Variants in CACNA2D4 observed in about 807,000 individuals in gnomAD.
CACNA2D4 encodes voltage-dependent calcium channel subunit alpha-2/delta-4.
In CACNA2D4, 157 loss-of-function variants were observed where a neutral mutation model predicts 163.8. That is an observed-to-expected ratio of 0.96 (90% confidence interval 0.84 to 1.09). The LOEUF (loss-of-function observed/expected upper bound fraction) is 1.09, where lower values mean the gene tolerates loss of function less well. Ranked by LOEUF, CACNA2D4 falls within the 50% of genes least tolerant of loss-of-function variation. The probability of loss-of-function intolerance (pLI) is 0.00; values close to 1 mark genes in which losing one functional copy is unlikely to be tolerated. For synonymous variants in CACNA2D4, 598 were observed against 586.9 expected (o/e 1.02, Z -0.27); for missense variants, 1,410 against 1,479.9 (o/e 0.95, Z 0.78).
At chr12:1,847,041 A>G (rs1865161076) in intron 23 of CACNA2D4, among the ~76,000 whole-genome samples, 1 of 152,242 alleles carries the variant, frequency 6.6e-6, no homozygotes, top group Non-Finnish European at 1.5e-5. Context: ...CCTAAGGAAC[A>G]GGAACTTCTC....
intron 9 of CACNA2D4, 136 bp from the exon 10 acceptor site, chr12:1,885,212 A>C (rs1200749332): frequency 8.0e-6 from 6 of 750,668 alleles, no homozygotes; most frequent in Non-Finnish European, 1.4e-5. Flanking sequence ...TCCATGATGC[A>C]GTTCATGGAC....
Position 1,853,958 on chromosome 12 carries a change from T to C in CACNA2D4, c.2239A>G (p.Met747Val), listed in dbSNP as rs34007338. The change falls in exon 23 of 38, where the codon ATG becomes GTG. Residue 747 changes from methionine (M) to valine (V), a missense_variant. Physicochemically the swap from Met to Val is conservative, Grantham distance 21 (BLOSUM62 1). Transcript: ENST00000382722. ...CTGGGAACCTGGACCTACTCGGACA[T>C]GTTGAGGGCCAGCGCTGTCCAGTAG... Reference protein sequence around the residue: ...EAYWTALALNMSEESEHVVDM... With the variant: ...EAYWTALALNVSEESEHVVDM... 706 of 1,612,680 alleles carry C rather than the reference T, an allele frequency of 4.4e-4. 4 individuals carry two copies. The African/African-American group carries it at 8.1e-3, about 19-fold the overall frequency.
chr12:1,903,550 A>G (rs561029700), intron 6 of CACNA2D4, among the ~76,000 whole-genome samples: 1 of 152,168 alleles, frequency 6.6e-6, no homozygotes, highest in South Asian at 2.1e-4. Context: ...CGATTTTTAA[A>G]TGGGAAAAAA....
intron 26 of CACNA2D4, among the ~76,000 whole-genome samples, chr12:1,819,132 G>A (rs1262459360): frequency 2.0e-5 from 3 of 152,164 alleles, no homozygotes; most frequent in Non-Finnish European, 2.9e-5. Flanking sequence ...CCGGGGAAAC[G>A]TCACCTTGCA....
chr12:1,795,797 G>A lies in CACNA2D4; in HGVS notation c.3114-17C>T, dbSNP rs750964988. ...ACAAATACCCTGCAGCAAAGAAAGG[G>A]AGTCGAGGATGGCTCCGTGGCGACC... On this transcript the variant is annotated splice_polypyrimidine_tract_variant and intron_variant, in intron 35 of 37. Coordinates refer to ENST00000382722, the MANE Select transcript of CACNA2D4 (RefSeq NM_172364.5). The A allele has an allele frequency of 4.2e-5, 65 of 1,537,690 alleles. No homozygotes were observed. In the Admixed American group the frequency reaches 9.0e-4, roughly 21 times the overall value.
At chr12:1,852,028 C>CT (rs1433969809) in intron 23 of CACNA2D4, among the ~76,000 whole-genome samples, 6 of 152,012 alleles carry the variant, frequency 3.9e-5, no homozygotes, top group South Asian at 4.1e-4. Context: ...TATCTTCTAT[C>CT]TTTTTTGTGT....
At chr12:1,907,844 TG>T (rs1565740237) in intron 5 of CACNA2D4, 30 bp downstream of exon 5, 2 of 1,612,260 alleles carry the variant, frequency 1.2e-6, no homozygotes, top group African/African-American at 2.7e-5. Flanking sequence ...GCGTGCCTGG[TG>T]AGTGTGCCTG....
intron 20 of CACNA2D4, among the ~76,000 whole-genome samples, chr12:1,857,191 G>C (rs1188473581): frequency 6.6e-6 from 1 of 152,194 alleles, no homozygotes; most frequent in Non-Finnish European, 1.5e-5. Context: ...GCTGTGGAAG[G>C]GCAGACACAG....
At chr12:1,822,953 C>T (rs1255581041) in intron 26 of CACNA2D4, among the ~76,000 whole-genome samples, 1 of 152,202 alleles carries the variant, frequency 6.6e-6, no homozygotes, top group Non-Finnish European at 1.5e-5. Context: ...AGGGCACGGC[C>T]CCTGCAGGCC....
intron 32 of CACNA2D4, 140 bp from the exon 33 acceptor site, chr12:1,800,192 G>T: frequency 1.0e-6 from 1 of 981,944 alleles, no homozygotes; most frequent in Non-Finnish European, 1.6e-6. Flanking sequence ...GGCTCTGGTT[G>T]AGCAATGAGG....
chr12:1,901,673 A>G (rs1471076117), intron 6 of CACNA2D4, among the ~76,000 whole-genome samples: 2 of 152,194 alleles, frequency 1.3e-5, no homozygotes, highest in Non-Finnish European at 2.9e-5. Flanking sequence ...AATCAATAAC[A>G]AGTAATGCTA....
chr12:1,793,516 GGCCACCAGCCCAGGATTGAGAGGA>G lies in CACNA2D4; in HGVS notation c.*115_*138del. 1 of 735,396 alleles carries G rather than the reference GGCCACCAGCCCAGGATTGAGAGGA, an allele frequency of 1.4e-6. No individual in the cohort carries two copies. Among genetic ancestry groups the G allele is most frequent in the African/African-American group, 1.7e-5 (1 of 57,652 alleles). 45.6% of individuals were successfully genotyped at this position (735,396 alleles called of 1,614,324 possible). ...CCATCCAGCATTCTCCGGAGCCAGG[GGCCACCAGCCCAGGATTGAGAGGA>G]GCGTTGGCCTGGGGGCGACCCAACT... is the stretch of plus-strand genomic sequence containing the variant. On this transcript the variant is annotated 3_prime_UTR_variant, in exon 38 of 38. Transcript: ENST00000382722.
chr12:1,912,145 C>A (rs920716738), intron 3 of CACNA2D4, among the ~76,000 whole-genome samples: 1 of 152,230 alleles, frequency 6.6e-6, no homozygotes, highest in East Asian at 1.9e-4. Flanking sequence ...GCCCTATCTG[C>A]CCCTTCCCCT....
chr12:1,810,590 G>T lies in CACNA2D4; in HGVS notation c.2614-3C>A, dbSNP rs1456551899. ...CACGGCCCATCCACAGTGCTGCACT[G>T]GAAGGAAGAGGAGAGACTGAATGTG... is the stretch of plus-strand genomic sequence containing the variant. On this transcript the variant is annotated splice_polypyrimidine_tract_variant and splice_region_variant and intron_variant, in intron 27 of 37. Transcript: ENST00000382722. The T allele has an allele frequency of 6.4e-7, 1 of 1,553,138 alleles. No homozygotes were observed. Among genetic ancestry groups the T allele is most frequent in the Non-Finnish European group, 8.7e-7 (1 of 1,147,734 alleles).
In CACNA2D4 at chr12:1,802,015, CTGTGTGTGTG is replaced by C. The variant is rs60739615; in HGVS notation, c.2722-381_2722-372del. ...TATGAAACTGGATTTGTTTTATATG[CTGTGTGTGTG>C]TGTGTGTGTGTGTGTGTGTGTGTGT... On this transcript the variant is annotated intron_variant, in intron 29 of 37. Transcript: ENST00000382722. This position sits in a 1 kb window ranked among gnomAD's most constrained non-coding sequence, Gnocchi z 4.7. Among the ~76,000 whole-genome samples the C allele has an allele frequency of 0.017, 2,486 of 144,214 alleles. 36 individuals are homozygous for C. Among genetic ancestry groups the C allele is most frequent in the African/African-American group, 0.037 (1,447 of 38,768 alleles). 94.6% of individuals were successfully genotyped at this position (144,214 alleles called of 152,430 possible).
chr12:1,914,752 T>G, intron 2 of CACNA2D4, 102 bp downstream of exon 2: 1 of 760,854 alleles, frequency 1.3e-6, no homozygotes, highest in Non-Finnish European at 2.3e-6. Context: ...ATAAACCGAT[T>G]TGATGGGATG....
Position 1,797,469 on chromosome 12 carries a change from T to C in CACNA2D4, c.3062A>G (p.Gln1021Arg). The C allele has an allele frequency of 6.3e-7, 1 of 1,586,344 alleles. No individual in the cohort carries two copies. The highest frequency in any genetic ancestry group is 1.1e-5 in the South Asian group (1 of 87,678). The stretch of plus-strand genomic sequence containing the variant: ...CCCGTTGGCCTCCCGGATGGCCGGC[T>C]GGTACACGAACACGGGGTACTCCGT... ...CDTEYPVFVY[Q>R]PAIREANGIV... Residue 1021 changes from glutamine to arginine, a missense_variant, in exon 35 of 38, where the codon CAG becomes CGG. By Grantham distance (43) the Gln-to-Arg change is conservative (BLOSUM62 1). Coordinates refer to ENST00000382722, the MANE Select transcript of CACNA2D4 (RefSeq NM_172364.5).
In CACNA2D4 at chr12:1,878,457, G is replaced by T. The variant is rs1272483168; in HGVS notation, c.1645-68C>A. 1.9e-6 allele frequency: 3 copies of T among 1,554,082 alleles called. No homozygotes were observed. The Admixed American group carries it at 5.9e-5, about 30-fold the overall frequency. Reference sequence around the variant, plus strand: ...TGCTGGGCATCTGGAGTTGGGCAGGGGTTTGGGGGCCACAGGACGGTCAAA... The same window carrying T: ...TGCTGGGCATCTGGAGTTGGGCAGGTGTTTGGGGGCCACAGGACGGTCAAA... On this transcript the variant is annotated intron_variant, in intron 15 of 37. Transcript: ENST00000382722. The surrounding 1 kb of genome is among the most constrained non-coding windows in gnomAD (Gnocchi z 4.6).
chr12:1,879,584 C>A (rs892188513), intron 14 of CACNA2D4, among the ~76,000 whole-genome samples: 8 of 152,196 alleles, frequency 5.3e-5, no homozygotes, highest in African/African-American at 1.9e-4. Context: ...CCCAGCCAGC[C>A]TGCAGTCACT....
Sources: gnomAD v4.1 joint callset for allele counts (sites outside exome capture counted in the v4.1 genomes callset) on GRCh38, gnomAD v4.1.1 for gene constraint, Gnocchi (gnomAD v3.1) non-coding constraint, MANE v1.5 for transcripts, NCBI Gene and HGNC (gene_info 2026-07-23, HGNC 2026-07-21) for gene names.